The following ENTREP2 variants were observed in gnomAD, a reference collection of about 807,000 sequenced individuals.
ENTREP2 encodes protein ENTREP2.
chr15:29,644,872 T>TTA, the ENTREP2 span, among the ~76,000 whole-genome samples: 1 of 103,378 alleles, frequency 9.7e-6, no homozygotes, highest in African/African-American at 3.9e-5. Flanking sequence ...AGAAGAAAAA[T>TTA]AAAAAAAAGA....
the ENTREP2 span, among the ~76,000 whole-genome samples, chr15:29,455,865 T>C: frequency 6.6e-6 from 1 of 152,166 alleles, no homozygotes; most frequent in Non-Finnish European, 1.5e-5. Flanking sequence ...AAACTGTGCA[T>C]GTAAAGGATC....
the ENTREP2 span, among the ~76,000 whole-genome samples, chr15:29,560,346 T>C: frequency 6.6e-6 from 1 of 152,092 alleles, no homozygotes; most frequent in African/African-American, 2.4e-5. Context: ...AAGTCAGCAA[T>C]AGGGTATGTC....
chr15:29,468,975 C>T, the ENTREP2 span, among the ~76,000 whole-genome samples: 380 of 152,272 alleles, frequency 2.5e-3, 2 homozygotes, highest in African/African-American at 8.7e-3. Context: ...ACCAGAGCAG[C>T]CCCATGCAGC....
chr15:29,325,092 T>C, the ENTREP2 span, among the ~76,000 whole-genome samples: 1 of 152,166 alleles, frequency 6.6e-6, no homozygotes, highest in Non-Finnish European at 1.5e-5. Flanking sequence ...AAATAGCATA[T>C]GGTTGAAAGA....
chr15:29,551,878 A>C, the ENTREP2 span, among the ~76,000 whole-genome samples: 1 of 152,138 alleles, frequency 6.6e-6, no homozygotes, highest in African/African-American at 2.4e-5. Flanking sequence ...AGAATAACAG[A>C]AGGGAAAGAG....
the ENTREP2 span, among the ~76,000 whole-genome samples, chr15:29,655,813 G>A: frequency 6.6e-6 from 1 of 151,972 alleles, no homozygotes; most frequent in Non-Finnish European, 1.5e-5. Flanking sequence ...ATCACTTGAG[G>A]CCAGGAGTTT....
At chr15:29,286,837 C>A in the ENTREP2 span, among the ~76,000 whole-genome samples, 2 of 152,184 alleles carry the variant, frequency 1.3e-5, no homozygotes, top group African/African-American at 2.4e-5. Context: ...CTTGTCTTGC[C>A]CTTAGCATGA....
At chr15:29,581,572 A>C in the ENTREP2 span, among the ~76,000 whole-genome samples, 2 of 152,284 alleles carry the variant, frequency 1.3e-5, no homozygotes, top group East Asian at 3.9e-4. Flanking sequence ...ACAATGATGA[A>C]ATTTTTAAAA....
At chr15:29,164,662 G>A in the ENTREP2 span, among the ~76,000 whole-genome samples, 1 of 152,238 alleles carries the variant, frequency 6.6e-6, no homozygotes, top group East Asian at 1.9e-4. Flanking sequence ...TAACACTGGA[G>A]CGCCAAAATT....
chr15:29,246,078 T>C, the ENTREP2 span, among the ~76,000 whole-genome samples: 1 of 152,188 alleles, frequency 6.6e-6, no homozygotes, highest in Non-Finnish European at 1.5e-5. Context: ...CAGTATCTGT[T>C]GAGTAATGAA....
chr15:29,668,630 A>T, the ENTREP2 span, among the ~76,000 whole-genome samples: 3 of 152,158 alleles, frequency 2.0e-5, no homozygotes, highest in African/African-American at 7.2e-5. Context: ...CTTTGAAAAC[A>T]TTGCTGGGGC....
At chr15:29,499,074 G>C in the ENTREP2 span, among the ~76,000 whole-genome samples, 5 of 152,286 alleles carry the variant, frequency 3.3e-5, no homozygotes, top group South Asian at 6.2e-4. Flanking sequence ...GCATATAGTT[G>C]AGTCTTGTTT....
At chr15:29,458,776 T>C in the ENTREP2 span, among the ~76,000 whole-genome samples, 7 of 152,374 alleles carry the variant, frequency 4.6e-5, no homozygotes, top group South Asian at 1.2e-3. Flanking sequence ...TTCTGGTTTG[T>C]ACTCACGTTC....
the ENTREP2 span, among the ~76,000 whole-genome samples, chr15:29,236,023 G>T: frequency 6.6e-6 from 1 of 151,642 alleles, no homozygotes; most frequent in Non-Finnish European, 1.5e-5. Flanking sequence ...AAATCATAAA[G>T]ACAAAAGTAC....
At chr15:29,577,844 T>C in the ENTREP2 span, among the ~76,000 whole-genome samples, 13 of 152,126 alleles carry the variant, frequency 8.5e-5, no homozygotes, top group Non-Finnish European at 1.5e-4. Flanking sequence ...AGGATAAATA[T>C]TGTTCAGATC....
chr15:29,144,498 G>A, the ENTREP2 span, among the ~76,000 whole-genome samples: 1 of 152,158 alleles, frequency 6.6e-6, no homozygotes, highest in East Asian at 1.9e-4. Flanking sequence ...GGAGCCCAAG[G>A]AGAGAGGGTC....
the ENTREP2 span, among the ~76,000 whole-genome samples, chr15:29,417,152 C>T: frequency 3.7e-3 from 559 of 152,256 alleles, 17 homozygotes; most frequent in Admixed American, 0.032. Flanking sequence ...TGGGTATATA[C>T]CCAAAGGATT....
the ENTREP2 span, among the ~76,000 whole-genome samples, chr15:29,637,183 A>G: frequency 6.6e-6 from 1 of 152,188 alleles, no homozygotes; most frequent in African/African-American, 2.4e-5. Flanking sequence ...ATGTCAGAAA[A>G]TATTTGTCCT....
the ENTREP2 span, among the ~76,000 whole-genome samples, chr15:29,300,050 T>C: frequency 6.7e-6 from 1 of 150,070 alleles, no homozygotes. Flanking sequence ...GATAGATGGA[T>C]AGATGAATGG....
Sources: gnomAD v4.1 joint callset for allele counts (sites outside exome capture counted in the v4.1 genomes callset) on GRCh38, gnomAD v4.1.1 for gene constraint, MANE v1.5 for transcripts, NCBI Gene and HGNC (gene_info 2026-07-23, HGNC 2026-07-21) for gene names.